Variants in DGKZ observed in about 807,000 individuals in gnomAD.
DGKZ encodes diacylglycerol kinase zeta.
Under a neutral mutation model 142.5 loss-of-function variants are expected in DGKZ, and 45 were observed. The observed-to-expected ratio is 0.32, with a 90% CI of 0.25 to 0.40. The LOEUF is 0.40. Ranked by LOEUF, DGKZ falls within the 10% of genes least tolerant of loss-of-function variation. DGKZ has a pLI of 1.00. For missense variants in DGKZ, 755 were observed against 1,306.5 expected (o/e 0.58, Z 6.51); for synonymous variants, 442 against 527.0 (o/e 0.84, Z 2.21).
intron 24 of DGKZ, chr11:46,376,828 A>T (rs1243706590): frequency 1.4e-5 from 9 of 637,730 alleles, no homozygotes; most frequent in Non-Finnish European, 2.4e-5. Context: ...GCCCAGAGCC[A>T]TCCAGGGAGA....
upstream of DGKZ, among the ~76,000 whole-genome samples, chr11:46,344,514 C>G (rs1418209045): frequency 6.8e-6 from 1 of 146,338 alleles, no homozygotes; most frequent in African/African-American, 2.6e-5. Context: ...AGTGCAGTGG[C>G]GCGAACTCGG....
At chr11:46,379,608 C>G in intron 30 of DGKZ, 40 bp downstream of exon 30, 5 of 1,540,700 alleles carry the variant, frequency 3.2e-6, no homozygotes, top group Non-Finnish European at 3.5e-6. Context: ...AGGGCACCAA[C>G]CAAACCTTTC....
At chr11:46,366,258 TG>T (rs1943234273) in intron 1 of DGKZ, 1 of 1,577,022 alleles carries the variant, frequency 6.3e-7, no homozygotes, top group Non-Finnish European at 8.5e-7. Flanking sequence ...CCGCCTGCCA[TG>T]GAGACTTTCT....
intron 1 of DGKZ, among the ~76,000 whole-genome samples, chr11:46,353,984 G>A (rs1466567695): frequency 2.6e-5 from 4 of 152,262 alleles, no homozygotes; most frequent in Middle Eastern, 3.4e-3. Flanking sequence ...AGGCGGGGGC[G>A]GTTGTGAAAG....
rs899574864 is a variant in DGKZ, at chr11:46,375,757, G to T, written c.1911-94G>T. 167 of 1,511,596 alleles carry T rather than the reference G, an allele frequency of 1.1e-4. 1 individual carries two copies. The highest frequency in any genetic ancestry group is 1.3e-4 in the Non-Finnish European group (151 of 1,122,454). 93.6% of individuals were successfully genotyped at this position (1,511,596 alleles called of 1,614,324 possible). A position where few individuals can be genotyped will look rare whatever the true frequency, so the allele number is the denominator to read the frequency against. ...CCCCAGGGGTGTTGGGAGTGGAGCG[G>T]GACCTTCTCTCGGCAAGTGGTTTGG... On this transcript the variant is annotated intron_variant, in intron 20 of 30. Coordinates refer to ENST00000527911, the Ensembl canonical transcript of DGKZ.
At chr11:46,368,028 C>T (rs374439617) in exon 4 of DGKZ, 38 of 1,613,870 alleles carry the variant, frequency 2.4e-5, no homozygotes, top group East Asian at 4.5e-5. Flanking sequence ...GAAGAAAGTG[C>T]GCAGCCTGCA....
At chr11:46,355,832 T>C (rs980331306) in intron 1 of DGKZ, among the ~76,000 whole-genome samples, 4 of 152,138 alleles carry the variant, frequency 2.6e-5, no homozygotes, top group Admixed American at 6.5e-5. Flanking sequence ...CCGCAACCCC[T>C]GCCTCTGAGG....
upstream of DGKZ, chr11:46,345,654 T>TG: frequency 1.4e-6 from 2 of 1,411,850 alleles, no homozygotes; most frequent in Non-Finnish European, 1.9e-6. This position sits in a 1 kb window ranked among gnomAD's most constrained non-coding sequence, Gnocchi z 4.1. Flanking sequence ...TTATCTGAGA[T>TG]GGGGGTGACA....
intron 1 of DGKZ, among the ~76,000 whole-genome samples, chr11:46,358,184 A>G (rs1382477432): frequency 6.6e-6 from 1 of 152,190 alleles, no homozygotes; most frequent in South Asian, 2.1e-4. Flanking sequence ...TAGCCCCTCA[A>G]CGCGAATCTA....
chr11:46,365,266 G>A (rs72910085), intron 1 of DGKZ: 114,081 of 985,320 alleles, frequency 0.12, 6,986 homozygotes, highest in Middle Eastern at 0.19. Context: ...CATCAGGGCC[G>A]CAGAAGAATG....
intron 4 of DGKZ, 62 bp downstream of exon 4, chr11:46,368,141 G>T (rs572409883): frequency 6.5e-7 from 1 of 1,534,968 alleles, no homozygotes; most frequent in Admixed American, 1.7e-5. Context: ...CTTTCAGCGC[G>T]CACTCACACC....
At chr11:46,354,634 A>T (rs1247560309) in intron 1 of DGKZ, among the ~76,000 whole-genome samples, 1 of 152,218 alleles carries the variant, frequency 6.6e-6, no homozygotes, top group Non-Finnish European at 1.5e-5. Flanking sequence ...TTTGCTTTAG[A>T]TAGAGATGGA....
At chr11:46,378,592 C>T (rs1455379959) in intron 27 of DGKZ, 92 bp downstream of exon 27, 2 of 1,522,542 alleles carry the variant, frequency 1.3e-6, no homozygotes, top group South Asian at 1.1e-5. Flanking sequence ...CTGACCTGCT[C>T]AGGTGCTGTC....
intron 1 of DGKZ, among the ~76,000 whole-genome samples, chr11:46,355,724 T>C (rs1273814285): frequency 6.6e-6 from 1 of 151,074 alleles, no homozygotes; most frequent in African/African-American, 2.4e-5. Flanking sequence ...GGTCAGAAAG[T>C]TGAGGGGGGA....
At chr11:46,375,986 G>A in intron 21 of DGKZ, 35 bp downstream of exon 21, 1 of 1,611,770 alleles carries the variant, frequency 6.2e-7, no homozygotes, top group Non-Finnish European at 8.5e-7. Context: ...AGGGTGGCCA[G>A]GAGGGGCTGA....
chr11:46,375,899 C>T, exon 21 of DGKZ: 2 of 1,591,600 alleles, frequency 1.3e-6, no homozygotes, highest in Non-Finnish European at 1.7e-6. Flanking sequence ...GTCGCGTCAG[C>T]ATGCACGACT....
chr11:46,369,188 CAAA>C, intron 4 of DGKZ: 1 of 415,354 alleles, frequency 2.4e-6, no homozygotes, highest in South Asian at 2.4e-5. Flanking sequence ...AAAACAAAAA[CAAA>C]AAAAAAACAA....
At chr11:46,373,521 A>T (rs1312741486) in intron 14 of DGKZ, among the ~76,000 whole-genome samples, 16 of 117,782 alleles carry the variant, frequency 1.4e-4, no homozygotes, top group South Asian at 2.6e-4. Context: ...GTTTTTTGTG[A>T]CAGAGTCTCA....
At chr11:46,374,559 G>T in intron 16 of DGKZ, 45 bp from the exon 17 acceptor site, 1 of 1,603,662 alleles carries the variant, frequency 6.2e-7, no homozygotes, top group Admixed American at 1.7e-5. Context: ...TGCTGGTGAG[G>T]AAAGATCTCT....
Sources: gnomAD v4.1 joint callset for allele counts (sites outside exome capture counted in the v4.1 genomes callset) on GRCh38, gnomAD v4.1.1 for gene constraint, Gnocchi (gnomAD v3.1) non-coding constraint, MANE v1.5 for transcripts, NCBI Gene and HGNC (gene_info 2026-07-23, HGNC 2026-07-21) for gene names.